Variants in WWOX observed in about 807,000 individuals in gnomAD.
WWOX encodes WW domain-containing oxidoreductase.
WWOX carries 69 observed loss-of-function variants against 46.2 expected under a neutral mutation model. The ratio of observed to expected loss-of-function variants is 1.49; its 90% CI spans 1.23 to 1.82. The LOEUF is 1.82. WWOX is among the 40% of genes most tolerant of loss of function. The pLI is 0.00. For missense variants in WWOX, 919 were observed against 542.6 expected, an observed-to-expected ratio of 1.69 and a Z score of -6.89; for synonymous variants, 359 against 202.6, an observed-to-expected ratio of 1.77 and a Z score of -6.56.
chr16:78,577,791 G>A (rs1004757742), intron 8 of WWOX, among the ~76,000 whole-genome samples: 4 of 152,104 alleles, frequency 2.6e-5, no homozygotes, highest in East Asian at 1.9e-4. Flanking sequence ...CTGTTGCTAG[G>A]TAATGTCAAT....
At chr16:78,653,976 G>C (rs368635537) in intron 8 of WWOX, among the ~76,000 whole-genome samples, 6 of 152,220 alleles carry the variant, frequency 3.9e-5, no homozygotes, top group African/African-American at 1.2e-4. Context: ...AGGCAAAGCA[G>C]AGATCCAGAG....
At chr16:78,780,960 G>A (rs928539698) in intron 8 of WWOX, among the ~76,000 whole-genome samples, 3 of 152,178 alleles carry the variant, frequency 2.0e-5, no homozygotes, top group Admixed American at 1.3e-4. Flanking sequence ...GACTTGGACT[G>A]TCACCTTGGG....
intron 8 of WWOX, among the ~76,000 whole-genome samples, chr16:78,705,493 C>G (rs1463641832): frequency 6.6e-6 from 1 of 152,194 alleles, no homozygotes; most frequent in Non-Finnish European, 1.5e-5. Flanking sequence ...AGTTGTCAAT[C>G]AAACCTCCCT....
intron 8 of WWOX, among the ~76,000 whole-genome samples, chr16:78,676,131 T>C (rs2047593040): frequency 6.6e-6 from 1 of 151,940 alleles, no homozygotes; most frequent in Admixed American, 6.6e-5. Flanking sequence ...ACAACCAGAC[T>C]GAGAGCCCCC....
intron 8 of WWOX, among the ~76,000 whole-genome samples, chr16:78,714,786 C>T (rs759979624): frequency 7.9e-5 from 12 of 152,150 alleles, no homozygotes; most frequent in Non-Finnish European, 1.8e-4. Context: ...TCTGATCACA[C>T]AGAGCCTTGT....
At chr16:79,030,779 A>G (rs1260531811) in intron 8 of WWOX, among the ~76,000 whole-genome samples, 2 of 152,098 alleles carry the variant, frequency 1.3e-5, no homozygotes, top group African/African-American at 4.8e-5. Flanking sequence ...ATGCAGACTG[A>G]TATTCTGAAG....
At chr16:78,427,866 G>C (rs542266387) in intron 7 of WWOX, among the ~76,000 whole-genome samples, 1 of 152,066 alleles carries the variant, frequency 6.6e-6, no homozygotes, top group African/African-American at 2.4e-5. Context: ...TCAAGAGTTC[G>C]AGATCAGCCT....
chr16:78,918,955 T>C (rs34984226), intron 8 of WWOX, among the ~76,000 whole-genome samples: 54,246 of 152,010 alleles, frequency 0.36, 10,210 homozygotes, highest in Non-Finnish European at 0.42. Context: ...AGAGTACCTT[T>C]CTGATTGGAC....
intron 5 of WWOX, chr16:78,167,453 C>T (rs1340315805): frequency 2.0e-5 from 3 of 152,138 alleles, no homozygotes; most frequent in East Asian, 1.9e-4. Flanking sequence ...TTGAGATAGA[C>T]CAGTGATCCC....
At position 79,106,320 on chromosome 16, in the gene WWOX, T is replaced by C. The variant is rs1217557873; in HGVS notation, c.1057-105288T>C. 2.0e-5 allele frequency among the ~76,000 whole-genome samples: 3 copies of C among 152,210 alleles called. No individual in the cohort carries two copies. In the East Asian group the frequency reaches 5.8e-4, roughly 29 times the overall value. On this transcript the variant is annotated intron_variant, in intron 8 of 8. Coordinates refer to ENST00000566780, the MANE Select transcript of WWOX (RefSeq NM_016373.4). ...CCTGAGACCTCAAAACTTTTACCTG[T>C]GCTCACTCAGTTCAGGTGAAAGAAT...
chr16:78,808,677 C>A (rs903686474), intron 8 of WWOX, among the ~76,000 whole-genome samples: 1 of 152,158 alleles, frequency 6.6e-6, no homozygotes, highest in African/African-American at 2.4e-5. Context: ...ATCAGCTAAG[C>A]ATTTATTTCA....
intron 8 of WWOX, among the ~76,000 whole-genome samples, chr16:78,855,690 T>A (rs2052549860): frequency 6.6e-6 from 1 of 152,172 alleles, no homozygotes; most frequent in South Asian, 2.1e-4. Flanking sequence ...TTTTCAAGGT[T>A]TAAGGTTGTT....
At chr16:78,198,095 T>G (rs1003351574) in intron 5 of WWOX, among the ~76,000 whole-genome samples, 1 of 152,158 alleles carries the variant, frequency 6.6e-6, no homozygotes, top group African/African-American at 2.4e-5. Context: ...TGGTAAGCCA[T>G]CCAGTCTCTG....
At position 78,996,386 on chromosome 16, in the gene WWOX, C is replaced by G. The variant is rs764328381; in HGVS notation, c.1057-215222C>G. 830 of 812,116 alleles carry G rather than the reference C, an allele frequency of 1.0e-3. 39 individuals are homozygous for G. In the Admixed American group the frequency reaches 0.053, roughly 52 times the overall value. The allele number at this position is 812,116 out of a possible 1,614,324, so 50.3% of individuals were successfully genotyped here. Reference sequence around the variant, plus strand: ...GTGAATTCTGCACCCACCCCCGCCCCCCAGCTTCCCCACCTGTAAAATGAT... The same window carrying G: ...GTGAATTCTGCACCCACCCCCGCCCGCCAGCTTCCCCACCTGTAAAATGAT... On this transcript the variant is annotated intron_variant, in intron 8 of 8. Coordinates refer to ENST00000566780, the MANE Select transcript of WWOX (RefSeq NM_016373.4).
intron 8 of WWOX, among the ~76,000 whole-genome samples, chr16:79,069,154 G>A (rs755300929): frequency 7.9e-5 from 12 of 152,102 alleles, no homozygotes; most frequent in Non-Finnish European, 1.3e-4. Context: ...CCTGCGCTGC[G>A]CTTGGCGAAG....
At position 78,178,975 on chromosome 16, in the gene WWOX, G is replaced by C. The variant is rs1180483643; in HGVS notation, c.516+14686G>C. On this transcript the variant is annotated intron_variant, in intron 5 of 8. Coordinates refer to ENST00000566780, the MANE Select transcript of WWOX (RefSeq NM_016373.4). ...AGAGCTGGTCAAATGTTTACATGGG[G>C]CTGTGGACCATTTTGTATCATTGGA... is the stretch of plus-strand genomic sequence containing the variant. Among the ~76,000 whole-genome samples, 4 of 152,292 alleles carry C rather than the reference G, an allele frequency of 2.6e-5. No individual in the cohort carries two copies. The East Asian group carries it at 7.7e-4, about 29-fold the overall frequency.
chr16:79,008,026 G>C (rs1278605407), intron 8 of WWOX, among the ~76,000 whole-genome samples: 1 of 152,192 alleles, frequency 6.6e-6, no homozygotes, highest in Non-Finnish European at 1.5e-5. Context: ...GGTTCAGGCT[G>C]GGACTTCTGC....
intron 8 of WWOX, among the ~76,000 whole-genome samples, chr16:78,520,970 A>G (rs2043336872): frequency 6.6e-6 from 1 of 152,172 alleles, no homozygotes; most frequent in South Asian, 2.1e-4. Flanking sequence ...GCTGGTCACC[A>G]GGGCGAGCAG....
intron 8 of WWOX, among the ~76,000 whole-genome samples, chr16:78,618,588 G>A (rs1292596687): frequency 1.3e-5 from 2 of 152,148 alleles, no homozygotes; most frequent in Admixed American, 6.5e-5. Flanking sequence ...CAGTCACATT[G>A]TGAGGTACTG....
Sources: gnomAD v4.1 joint callset for allele counts (sites outside exome capture counted in the v4.1 genomes callset) on GRCh38, gnomAD v4.1.1 for gene constraint, MANE v1.5 for transcripts, NCBI Gene and HGNC (gene_info 2026-07-23, HGNC 2026-07-21) for gene names.